WASHC3: variants seen among roughly 807,000 people sequenced by gnomAD.
WASHC3 encodes the protein WASH complex subunit 3, also known as WASH complex subunit CCDC53.
A neutral mutation model predicts 26.1 loss-of-function variants in WASHC3; 24 were observed. The observed-to-expected ratio is 0.92, with a 90% CI of 0.66 to 1.29. The LOEUF (loss-of-function observed/expected upper bound fraction) is 1.29, where lower values mean the gene tolerates loss of function less well. Among genes scored for constraint, WASHC3 ranks in the 50% most tolerant of loss-of-function variants. The pLI is 0.00. For missense variants in WASHC3, 214 were observed against 229.6 expected, an observed-to-expected ratio of 0.93 and a Z score of 0.44; for synonymous variants, 77 against 75.7, an observed-to-expected ratio of 1.02 and a Z score of -0.09.
intron 5 of WASHC3, among the ~76,000 whole-genome samples, chr12:102,032,500 T>C (rs1168717065): frequency 6.6e-6 from 1 of 152,172 alleles, no homozygotes; most frequent in Non-Finnish European, 1.5e-5. Flanking sequence ...GCTGCACTAT[T>C]ATGACAAACA....
At chr12:102,039,138 T>C (rs976023549) in intron 5 of WASHC3, among the ~76,000 whole-genome samples, 1 of 147,430 alleles carries the variant, frequency 6.8e-6, no homozygotes, top group Non-Finnish European at 1.5e-5. Context: ...GTTTTTTTTT[T>C]TTTTTTTTTT....
chr12:102,021,293 T>G (rs765467619), intron 6 of WASHC3, among the ~76,000 whole-genome samples: 2 of 152,188 alleles, frequency 1.3e-5, no homozygotes, highest in Non-Finnish European at 2.9e-5. Flanking sequence ...TTTGTCTTAG[T>G]AGGTAGACTC....
chr12:102,029,549 T>C (rs1051697034), intron 5 of WASHC3, among the ~76,000 whole-genome samples: 1 of 152,236 alleles, frequency 6.6e-6, no homozygotes. Flanking sequence ...TTTCTTATTG[T>C]GTTAAAGAAA....
intron 2 of WASHC3, among the ~76,000 whole-genome samples, chr12:102,049,461 G>A (rs889597743): frequency 6.6e-6 from 1 of 152,084 alleles, no homozygotes; most frequent in Non-Finnish European, 1.5e-5. Flanking sequence ...CTATGGTTTG[G>A]GATAACAGGG....
intron 4 of WASHC3, among the ~76,000 whole-genome samples, chr12:102,042,639 T>C (rs768951367): frequency 3.3e-5 from 5 of 152,218 alleles, no homozygotes; most frequent in Non-Finnish European, 7.3e-5. Flanking sequence ...TTGTAAAGAT[T>C]AAATTAGTTT....
intron 6 of WASHC3, among the ~76,000 whole-genome samples, chr12:102,018,535 C>T (rs900637894): frequency 6.6e-6 from 1 of 152,114 alleles, no homozygotes; most frequent in African/African-American, 2.4e-5. Context: ...TGCAGTGGCA[C>T]GGTCAGAGCT....
At chr12:102,055,886 G>C (rs904325246) in intron 2 of WASHC3, among the ~76,000 whole-genome samples, 1 of 152,024 alleles carries the variant, frequency 6.6e-6, no homozygotes, top group Non-Finnish European at 1.5e-5. Flanking sequence ...TTTTTAACTA[G>C]TTTTTCTATC....
At chr12:102,015,140 C>T (rs956824537) in intron 6 of WASHC3, among the ~76,000 whole-genome samples, 2 of 151,914 alleles carry the variant, frequency 1.3e-5, no homozygotes, top group Non-Finnish European at 2.9e-5. Flanking sequence ...CCATCCTTTG[C>T]AAAAAAATAG....
chr12:102,056,914 T>A (rs1245855934), intron 2 of WASHC3, among the ~76,000 whole-genome samples: 3 of 152,166 alleles, frequency 2.0e-5, no homozygotes, highest in Non-Finnish European at 4.4e-5. Context: ...GAACTCAATT[T>A]AGGAGGCCAG....
chr12:102,013,295 C>G, intron 6 of WASHC3, 103 bp from the exon 7 acceptor site: 2 of 643,666 alleles, frequency 3.1e-6, no homozygotes, highest in Non-Finnish European at 5.5e-6. Context: ...GCTAATAAAT[C>G]TGCCAAGTCC....
intron 2 of WASHC3, among the ~76,000 whole-genome samples, chr12:102,058,645 G>A (rs931229552): frequency 2.0e-5 from 3 of 151,934 alleles, no homozygotes; most frequent in Non-Finnish European, 4.4e-5. Context: ...ATAGTACAGA[G>A]GTTCCACAAA....
intron 4 of WASHC3, 67 bp from the exon 5 acceptor site, chr12:102,040,045 G>A (rs1334795449): frequency 1.6e-6 from 1 of 619,466 alleles, no homozygotes; most frequent in Admixed American, 2.4e-5. Flanking sequence ...TTACTTAAAA[G>A]GAATGTTTCT....
chr12:102,022,820 T>C (rs1001763982), intron 6 of WASHC3, among the ~76,000 whole-genome samples: 2 of 152,210 alleles, frequency 1.3e-5, no homozygotes, highest in Non-Finnish European at 2.9e-5. Flanking sequence ...TAGGCAATGA[T>C]TGAAAGAATA....
intron 2 of WASHC3, among the ~76,000 whole-genome samples, chr12:102,057,333 G>A (rs1182953235): frequency 6.6e-6 from 1 of 152,036 alleles, no homozygotes; most frequent in African/African-American, 2.4e-5. Context: ...AAAACTGAAA[G>A]TTTTTCCTCT....
rs1555202726 is a variant in WASHC3 at position 102,044,095 on chromosome 12, A to T, written c.324+10T>A. 6.8e-7 allele frequency: 1 copy of T among 1,477,114 alleles called. No individual in the cohort carries two copies. The highest frequency in any genetic ancestry group is 9.4e-7 in the Non-Finnish European group (1 of 1,067,600). 91.5% of individuals were successfully genotyped at this position (1,477,114 alleles called of 1,614,324 possible). A position where few individuals can be genotyped will look rare whatever the true frequency, so the allele number is the denominator to read the frequency against. ...CAAGAACATCTGCTCGTTTCTTAGA[A>T]CTCACTTACCTGTGGTTGCTCTGAA... On this transcript the variant is annotated intron_variant, in intron 4 of 6. Coordinates refer to ENST00000240079, the MANE Select transcript of WASHC3 (RefSeq NM_016053.4).
chr12:102,039,972 T>C lies in WASHC3; in HGVS notation c.331A>G (p.Ser111Gly), dbSNP rs1594361949. Residue 111 changes from serine to glycine, a missense_variant, in exon 5 of 7, where the codon AGT becomes GGT. By Grantham distance (56) the Ser-to-Gly change is moderately conservative (BLOSUM62 0). Transcript: ENST00000240079. Reference sequence around the variant, plus strand: ...TCCTGTAGTCCAGAGTCTTGTGTACTGTTCTGCTGTAGAGAGTATTTGGTG... The same window carrying C: ...TCCTGTAGTCCAGAGTCTTGTGTACCGTTCTGCTGTAGAGAGTATTTGGTG... ...EATSEQPQQN[S>G]TQDSGLQESE... 6.6e-7 allele frequency: 1 copy of C among 1,514,112 alleles called. No individual in the cohort carries two copies. The highest frequency in any genetic ancestry group is 9.2e-7 in the Non-Finnish European group (1 of 1,092,018). 93.8% of individuals were successfully genotyped at this position (1,514,112 alleles called of 1,614,324 possible). A position where few individuals can be genotyped will look rare whatever the true frequency, so the allele number is the denominator to read the frequency against.
At chr12:102,035,469 A>G (rs1391900618) in intron 5 of WASHC3, among the ~76,000 whole-genome samples, 2 of 152,222 alleles carry the variant, frequency 1.3e-5, no homozygotes, top group East Asian at 1.9e-4. Flanking sequence ...GAGTGAATTT[A>G]TAGATGGTTC....
At chr12:102,024,513 T>C (rs958354982) in intron 6 of WASHC3, among the ~76,000 whole-genome samples, 1 of 152,162 alleles carries the variant, frequency 6.6e-6, no homozygotes, top group African/African-American at 2.4e-5. Flanking sequence ...CAAGGATGAT[T>C]ATCAAGTTGC....
chr12:102,031,576 T>C (rs569882655), intron 5 of WASHC3, among the ~76,000 whole-genome samples: 162 of 152,294 alleles, frequency 1.1e-3, no homozygotes, highest in African/African-American at 3.7e-3. Context: ...TAAATGTTCA[T>C]TTGTATCTTT....
Sources: gnomAD v4.1 joint callset for allele counts (sites outside exome capture counted in the v4.1 genomes callset) on GRCh38, gnomAD v4.1.1 for gene constraint, MANE v1.5 for transcripts, NCBI Gene and HGNC (gene_info 2026-07-23, HGNC 2026-07-21) for gene names.